The following COQ8A variants were observed in gnomAD, a reference collection of about 807,000 sequenced individuals.
COQ8A encodes the protein atypical kinase COQ8A, mitochondrial.
COQ8A carries 51 observed loss-of-function variants against 65.0 expected under a neutral mutation model. That is an observed-to-expected ratio of 0.78 (90% CI 0.63 to 0.99). The LOEUF (loss-of-function observed/expected upper bound fraction) is 0.99. Ranked by LOEUF, COQ8A falls within the 50% of genes least tolerant of loss-of-function variation. COQ8A has a pLI of 0.00. For synonymous variants in COQ8A, 371 were observed against 353.2 expected (o/e 1.05, Z -0.57); for missense variants, 940 against 875.0 (o/e 1.07, Z -0.94).
rs561143500 is a variant in COQ8A, at chr1:226,945,657, G to A, written c.-10+5258G>A. On this transcript the variant is annotated intron_variant, in intron 1 of 14. Transcript: ENST00000366777. Reference sequence around the variant, plus strand: ...GTCAAGGGTTGGACATTGTGCTGCCGCGATGCCTGTTGTAGCTGCTGTTTA... The same window carrying A: ...GTCAAGGGTTGGACATTGTGCTGCCACGATGCCTGTTGTAGCTGCTGTTTA... Among the ~76,000 whole-genome samples, 23 of 152,348 alleles carry A rather than the reference G, an allele frequency of 1.5e-4. No individual in the cohort carries two copies. In the East Asian group the frequency reaches 3.9e-3, roughly 26 times the overall value.
rs1208114447 is a variant in COQ8A, at chr1:226,949,366, A to G, written c.-10+8967A>G. Reference sequence around the variant, plus strand: ...TTTATAGGGAGAGGAATCTGGCAGGAGAGTGTTCCATGGCTCGGAGCTGGG... The same window carrying G: ...TTTATAGGGAGAGGAATCTGGCAGGGGAGTGTTCCATGGCTCGGAGCTGGG... On this transcript the variant is annotated intron_variant, in intron 1 of 14. Transcript: ENST00000366777. The surrounding 1 kb of genome is among the most constrained non-coding windows in gnomAD (Gnocchi z 4.0). Among the ~76,000 whole-genome samples the G allele has an allele frequency of 6.6e-6, 1 of 151,964 alleles. No homozygotes were observed. The highest frequency in any genetic ancestry group is 1.5e-5 in the Non-Finnish European group (1 of 67,990).
At chr1:226,970,824 T>C (rs1188171905) in intron 4 of COQ8A, among the ~76,000 whole-genome samples, 2 of 152,254 alleles carry the variant, frequency 1.3e-5, no homozygotes, top group Non-Finnish European at 2.9e-5. Context: ...TTTGTGTTTC[T>C]TTCTTCCTGC....
chr1:226,985,402 G>C, intron 14 of COQ8A, 62 bp downstream of exon 14: 1 of 1,578,170 alleles, frequency 6.3e-7, no homozygotes, highest in Non-Finnish European at 8.7e-7. Context: ...CCCTGTGTAA[G>C]AATGGATGAA....
chr1:226,959,368 C>CT (rs2148040884), intron 1 of COQ8A, among the ~76,000 whole-genome samples: 1 of 151,976 alleles, frequency 6.6e-6, no homozygotes, highest in African/African-American at 2.4e-5. Flanking sequence ...ATGATTATGC[C>CT]TGTGAACAGC....
At position 226,984,113 on chromosome 1, in the gene COQ8A, C is replaced by G. The variant is rs1004253103; in HGVS notation, c.1276C>G (p.Pro426Ala). The G allele has an allele frequency of 1.9e-6, 3 of 1,613,688 alleles. No homozygotes were observed. The highest frequency in any genetic ancestry group is 2.7e-5 in the African/African-American group (2 of 75,046). ...ACCCAGGGACCTGCTGAAGGGCCAC[C>G]CCTTCTTCTATGTGCCTGAGATTGT... is the stretch of plus-strand genomic sequence containing the variant. ...RKFRDLLKGH[P>A]FFYVPEIVDE... is the part of the protein sequence containing the mutation. The change falls in exon 11 of 15, where the codon CCC becomes GCC. Residue 426 changes from proline to alanine, a missense_variant. Pro to Ala is a conservative substitution (Grantham distance 27, BLOSUM62 -1). Transcript: ENST00000366777.
At chr1:226,960,596 TGGC>T (rs1416419053) in intron 1 of COQ8A, among the ~76,000 whole-genome samples, 1 of 136,400 alleles carries the variant, frequency 7.3e-6, no homozygotes, top group Non-Finnish European at 1.6e-5. Context: ...GTGGTGGTGG[TGGC>T]GGCAGTGGCG....
chr1:226,968,734 A>G (rs1214932871), intron 4 of COQ8A, among the ~76,000 whole-genome samples: 2 of 152,180 alleles, frequency 1.3e-5, no homozygotes, highest in East Asian at 3.8e-4. Context: ...ATTCAGCTAT[A>G]TAGAAGTGGA....
chr1:226,982,305 G>C (rs76213739), intron 6 of COQ8A, 156 bp downstream of exon 6: 2 of 1,150,856 alleles, frequency 1.7e-6, no homozygotes, highest in Non-Finnish European at 2.4e-6. Context: ...GTCTCCAGAC[G>C]GGTGGCTCTG....
chr1:226,975,408 A>G (rs1306477839), intron 4 of COQ8A, among the ~76,000 whole-genome samples: 1 of 152,192 alleles, frequency 6.6e-6, no homozygotes, highest in Admixed American at 6.5e-5. Context: ...GCTGGTCCAC[A>G]GTGGGATGTG....
In COQ8A at chr1:226,949,204, G is replaced by C. The variant is rs1657225740; in HGVS notation, c.-10+8805G>C. ...ATGGCTCGCGCGTAGCTGGAGGCTG[G>C]AAAGGAGGCCGGGGGCCTGATTTCG... On this transcript the variant is annotated intron_variant, in intron 1 of 14. Transcript: ENST00000366777. This position sits in a 1 kb window ranked among gnomAD's most constrained non-coding sequence, Gnocchi z 4.0. 2.0e-5 allele frequency among the ~76,000 whole-genome samples: 3 copies of C among 151,976 alleles called. No homozygotes were observed. Among genetic ancestry groups the C allele is most frequent in the Non-Finnish European group, 2.9e-5 (2 of 68,006 alleles).
rs765515195 is a variant in COQ8A, at chr1:226,965,627, T to C, written c.589-44T>C. 2.5e-6 allele frequency: 4 copies of C among 1,609,854 alleles called. No homozygotes were observed. In the Admixed American group the frequency reaches 6.7e-5, roughly 27 times the overall value. On this transcript the variant is annotated intron_variant, in intron 3 of 14. Coordinates refer to ENST00000366777, the MANE Select transcript of COQ8A (RefSeq NM_020247.5). ...CAGGAGCCTCTGAAGGTTGGTCCTG[T>C]CCCCTTGGCTGATTCCACAGGTCTC... is the stretch of plus-strand genomic sequence containing the variant.
At chr1:226,983,904 G>A in intron 10 of COQ8A, 50 bp downstream of exon 10, 3 of 1,588,548 alleles carry the variant, frequency 1.9e-6, no homozygotes, top group Non-Finnish European at 2.6e-6. Flanking sequence ...GGAGGCAGAA[G>A]GGACCATGTT....
At chr1:226,984,967 G>C (rs1353148776) in intron 13 of COQ8A, 26 bp downstream of exon 13, 1 of 1,613,092 alleles carries the variant, frequency 6.2e-7, no homozygotes, top group Admixed American at 1.7e-5. Context: ...CCCTGGCCTT[G>C]GTCCATGTTT....
intron 1 of COQ8A, among the ~76,000 whole-genome samples, chr1:226,960,391 A>ACTTGGTGGTGCTGGTGGTGCTTGGTGGTG (rs764848152): frequency 3.5e-4 from 2 of 5,652 alleles, no homozygotes; most frequent in African/African-American, 1.1e-3. Flanking sequence ...TGGTGGTGTC[A>ACTTGGTGGTGCTGGTGGTGCTTGGTGGTG]GTGGTGGTAC....
Position 226,953,376 on chromosome 1 carries a change from C to G in COQ8A, c.-9-8001C>G, listed in dbSNP as rs565285592. Among the ~76,000 whole-genome samples the G allele has an allele frequency of 3.9e-5, 6 of 152,348 alleles. No individual in the cohort carries two copies. The East Asian group carries it at 1.2e-3, about 29-fold the overall frequency. On this transcript the variant is annotated intron_variant, in intron 1 of 14. Coordinates refer to ENST00000366777, the MANE Select transcript of COQ8A (RefSeq NM_020247.5). ...TGTGGAATGCCCTCCTATGACTATT[C>G]CACCGTTTAGCTAACTAATCTTAGG... is the stretch of plus-strand genomic sequence containing the variant.
chr1:226,943,890 G>A (rs1231487109), intron 1 of COQ8A, among the ~76,000 whole-genome samples: 1 of 152,134 alleles, frequency 6.6e-6, no homozygotes, highest in African/African-American at 2.4e-5. Context: ...GTATGTGTGT[G>A]TGTAACTTGG....
intron 5 of COQ8A, among the ~76,000 whole-genome samples, chr1:226,978,042 C>A (rs999350180): frequency 6.7e-6 from 1 of 149,088 alleles, no homozygotes; most frequent in African/African-American, 2.5e-5. Context: ...CCTTACACAC[C>A]CCTTGCACAC....
intron 1 of COQ8A, among the ~76,000 whole-genome samples, chr1:226,948,265 T>G (rs563942616): frequency 6.6e-5 from 10 of 152,340 alleles, no homozygotes; most frequent in African/African-American, 2.4e-4. Flanking sequence ...CCTTGGCTTG[T>G]GGCCTCTTCC....
At position 226,965,281 on chromosome 1, in the gene COQ8A, C is replaced by G. The variant is rs1034897733; in HGVS notation, c.459C>G (p.Phe153Leu). The change falls in exon 3 of 15, where the codon TTC becomes TTG. Residue 153 changes from phenylalanine to leucine, a missense_variant. Coordinates refer to ENST00000366777, the MANE Select transcript of COQ8A (RefSeq NM_020247.5). Reference protein sequence around the residue: ...GRLFANPRDSFSAMGFQRRFF... With the variant: ...GRLFANPRDSLSAMGFQRRFF... ...TCTTTGCAAACCCCAGAGACTCATTCTCTGCCATGGGCTTTCAGCGAAGGT... is the reference window on the plus strand; with the variant it reads ...TCTTTGCAAACCCCAGAGACTCATTGTCTGCCATGGGCTTTCAGCGAAGGT... 14 of 1,613,912 alleles carry G rather than the reference C, an allele frequency of 8.7e-6. No individual in the cohort carries two copies. Among genetic ancestry groups the G allele is most frequent in the Non-Finnish European group, 1.2e-5 (14 of 1,180,052 alleles).
Sources: gnomAD v4.1 joint callset for allele counts (sites outside exome capture counted in the v4.1 genomes callset) on GRCh38, gnomAD v4.1.1 for gene constraint, Gnocchi (gnomAD v3.1) non-coding constraint, MANE v1.5 for transcripts, NCBI Gene and HGNC (gene_info 2026-07-23, HGNC 2026-07-21) for gene names.